The following MAML3 variants were observed in gnomAD, a reference collection of about 807,000 sequenced individuals.
MAML3 encodes mastermind-like protein 3.
In MAML3, 27 loss-of-function variants were observed where a neutral mutation model predicts 101.9. The ratio of observed to expected loss-of-function variants is 0.27; its 90% CI spans 0.20 to 0.37. The LOEUF is 0.37. MAML3 is among the 10% of genes least tolerant of loss of function. MAML3 has a pLI of 1.00. For synonymous variants in MAML3, 501 were observed against 555.9 expected (o/e 0.90, Z 1.39); for missense variants, 1,316 against 1,444.9 (o/e 0.91, Z 1.45).
At chr4:140,142,247 T>C (rs142550544) in intron 1 of MAML3, among the ~76,000 whole-genome samples, 2,586 of 152,264 alleles carry the variant, frequency 0.017, 42 homozygotes, top group Non-Finnish European at 0.021. Context: ...ATGTACAATA[T>C]ATAATATATA....
chr4:139,805,680 T>C (rs1193491435), intron 2 of MAML3, among the ~76,000 whole-genome samples: 1 of 152,334 alleles, frequency 6.6e-6, no homozygotes, highest in South Asian at 2.1e-4. Context: ...GACCATTCTA[T>C]AGATTTAATA....
At chr4:140,108,210 C>T (rs1016366339) in intron 1 of MAML3, among the ~76,000 whole-genome samples, 14 of 152,062 alleles carry the variant, frequency 9.2e-5, no homozygotes, top group African/African-American at 3.1e-4. Context: ...TCATGCTGCC[C>T]CTCAGCCTGA....
intron 1 of MAML3, among the ~76,000 whole-genome samples, chr4:139,895,849 G>C (rs148012311): frequency 3.9e-5 from 6 of 152,304 alleles, no homozygotes; most frequent in South Asian, 4.1e-4. Context: ...CACCTGATTG[G>C]AGCCTCCGAG....
At chr4:139,980,957 G>A (rs1734432856) in intron 1 of MAML3, among the ~76,000 whole-genome samples, 1 of 152,188 alleles carries the variant, frequency 6.6e-6, no homozygotes, top group South Asian at 2.1e-4. Flanking sequence ...AAGAGTTCCA[G>A]GCAAAAGTTC....
At chr4:139,972,310 T>C (rs1344990466) in intron 1 of MAML3, among the ~76,000 whole-genome samples, 4 of 152,236 alleles carry the variant, frequency 2.6e-5, no homozygotes, top group South Asian at 2.1e-4. Flanking sequence ...GGTAGCCACA[T>C]TGGGCAACAT....
intron 1 of MAML3, among the ~76,000 whole-genome samples, chr4:139,924,715 G>C (rs1201724976): frequency 6.6e-6 from 1 of 152,194 alleles, no homozygotes; most frequent in Non-Finnish European, 1.5e-5. Flanking sequence ...TCAAAGAGGG[G>C]TGGGTTTGCA....
At chr4:140,004,771 TC>T (rs1479327192) in intron 1 of MAML3, among the ~76,000 whole-genome samples, 1 of 151,490 alleles carries the variant, frequency 6.6e-6, no homozygotes, top group Non-Finnish European at 1.5e-5. Flanking sequence ...AGCCCAGGGC[TC>T]CCAGCAGCTG....
chr4:140,006,959 A>G (rs1048867882), intron 1 of MAML3, among the ~76,000 whole-genome samples: 1 of 152,178 alleles, frequency 6.6e-6, no homozygotes, highest in Non-Finnish European at 1.5e-5. Flanking sequence ...GGTTATGTTT[A>G]AAGAACAAAA....
intron 1 of MAML3, among the ~76,000 whole-genome samples, chr4:140,104,737 C>T (rs1401796675): frequency 1.3e-5 from 2 of 151,792 alleles, no homozygotes; most frequent in Non-Finnish European, 2.9e-5. Flanking sequence ...AAGCGATCAC[C>T]CGCCTCGGCC....
In MAML3 at chr4:139,747,907, A is replaced by G. The variant is rs190519453; in HGVS notation, c.2080-17240T>C. 4.0e-5 allele frequency among the ~76,000 whole-genome samples: 6 copies of G among 151,454 alleles called. No homozygotes were observed. The East Asian group carries it at 1.2e-3, about 30-fold the overall frequency. ...CATCTCTACCAAAAATACAAAAATT[A>G]GCTGGGCATGGTGGTGGATGCCTAT... On this transcript the variant is annotated intron_variant, in intron 2 of 4. Coordinates refer to ENST00000509479, the MANE Select transcript of MAML3 (RefSeq NM_018717.5).
intron 2 of MAML3, among the ~76,000 whole-genome samples, chr4:139,752,382 A>C (rs573277266): frequency 4.9e-4 from 75 of 152,342 alleles, no homozygotes; most frequent in Non-Finnish European, 8.4e-4. Flanking sequence ...TACAACCACC[A>C]GGTCTAGCAT....
At chr4:139,810,047 T>A (rs1730769060) in intron 2 of MAML3, among the ~76,000 whole-genome samples, 2 of 152,242 alleles carry the variant, frequency 1.3e-5, no homozygotes, top group Admixed American at 1.3e-4. Flanking sequence ...AAGAAAGACA[T>A]GGACTGTAAA....
chr4:140,035,552 C>T (rs1300385992), intron 1 of MAML3, among the ~76,000 whole-genome samples: 1 of 152,158 alleles, frequency 6.6e-6, no homozygotes, highest in African/African-American at 2.4e-5. Flanking sequence ...AATCCCAGCA[C>T]TTTGGGAGGC....
intron 1 of MAML3, among the ~76,000 whole-genome samples, chr4:140,132,475 C>G (rs999793474): frequency 2.6e-5 from 4 of 152,274 alleles, no homozygotes; most frequent in South Asian, 2.1e-4. Context: ...TCCTCTGGCA[C>G]TAACTGGAAA....
At chr4:139,989,842 CACAA>C (rs757823377) in intron 1 of MAML3, among the ~76,000 whole-genome samples, 16 of 128,068 alleles carry the variant, frequency 1.2e-4, no homozygotes, top group African/African-American at 5.0e-4. Flanking sequence ...CCCCACCACA[CACAA>C]ACAAACACAC....
intron 1 of MAML3, among the ~76,000 whole-genome samples, chr4:140,020,781 G>T (rs1467737761): frequency 6.6e-6 from 1 of 152,118 alleles, no homozygotes; most frequent in African/African-American, 2.4e-5. Context: ...AAAGAGGAGG[G>T]CCAAACACCA....
chr4:140,049,957 C>T (rs1727241088), intron 1 of MAML3, among the ~76,000 whole-genome samples: 1 of 151,906 alleles, frequency 6.6e-6, no homozygotes, highest in Non-Finnish European at 1.5e-5. Context: ...TGAAAATTAA[C>T]TTTCTGGAGT....
chr4:139,761,008 G>C (rs895478560), intron 2 of MAML3, among the ~76,000 whole-genome samples: 1 of 152,008 alleles, frequency 6.6e-6, no homozygotes, highest in African/African-American at 2.4e-5. Context: ...GCCCAGGCTG[G>C]AGTACAATGG....
intron 2 of MAML3, among the ~76,000 whole-genome samples, chr4:139,835,947 C>T (rs1731249364): frequency 6.6e-6 from 1 of 152,120 alleles, no homozygotes; most frequent in African/African-American, 2.4e-5. Context: ...CTCAGGAATA[C>T]ATTTTGATGC....
Sources: gnomAD v4.1 joint callset for allele counts (sites outside exome capture counted in the v4.1 genomes callset) on GRCh38, gnomAD v4.1.1 for gene constraint, MANE v1.5 for transcripts, NCBI Gene and HGNC (gene_info 2026-07-23, HGNC 2026-07-21) for gene names.